The following WASF2 variants were observed in gnomAD, a reference collection of about 807,000 sequenced individuals.
WASF2 encodes the protein WASP family member 2.
A neutral mutation model predicts 45.0 loss-of-function variants in WASF2; 14 were observed. The observed-to-expected ratio is 0.31, with a 90% CI of 0.21 to 0.49. The LOEUF (loss-of-function observed/expected upper bound fraction) is 0.49, where lower values mean the gene tolerates loss of function less well. WASF2 is among the 20% of genes least tolerant of loss of function. The pLI is 0.99. For missense variants in WASF2, 439 were observed against 636.1 expected (o/e 0.69, Z 3.33); for synonymous variants, 200 against 236.3 (o/e 0.85, Z 1.41).
chr1:27,448,169 A>G (rs1236963714), intron 1 of WASF2, among the ~76,000 whole-genome samples: 1 of 152,248 alleles, frequency 6.6e-6, no homozygotes, highest in Non-Finnish European at 1.5e-5. Flanking sequence ...TCAACTACCC[A>G]TTCAAACAGG....
intron 1 of WASF2, among the ~76,000 whole-genome samples, chr1:27,482,200 T>C (rs535097619): frequency 2.0e-5 from 3 of 152,332 alleles, no homozygotes; most frequent in African/African-American, 7.2e-5. Context: ...TAATGTTATA[T>C]TGTACAGAGT....
chr1:27,454,324 G>A (rs1193245612), intron 1 of WASF2, among the ~76,000 whole-genome samples: 1 of 150,082 alleles, frequency 6.7e-6, no homozygotes, highest in Non-Finnish European at 1.5e-5. Flanking sequence ...CTGAGTAGCT[G>A]GGACCACAAG....
chr1:27,488,480 A>G (rs1460674033), intron 1 of WASF2, among the ~76,000 whole-genome samples: 1 of 152,196 alleles, frequency 6.6e-6, no homozygotes, highest in Non-Finnish European at 1.5e-5. Context: ...AGAAGAAGCG[A>G]ATGGGCTGGC....
rs368676692 is a variant in WASF2, at chr1:27,460,914, G to A, written c.-44+29072C>T. Among the ~76,000 whole-genome samples the A allele has an allele frequency of 3.5e-4, 53 of 152,242 alleles. 1 individual carries two copies. The highest frequency in any genetic ancestry group is 1.2e-3 in the African/African-American group (50 of 41,558). On this transcript the variant is annotated intron_variant, in intron 1 of 8. Transcript: ENST00000618852. ...AGCACTTTGGGAGGCCGAGGTGGGTGGATTACGAGGTCAGGAGATCGAGAC... is the reference window on the plus strand; with the variant it reads ...AGCACTTTGGGAGGCCGAGGTGGGTAGATTACGAGGTCAGGAGATCGAGAC...
At chr1:27,428,653 C>G in intron 2 of WASF2, 108 bp downstream of exon 2, 1 of 1,563,724 alleles carries the variant, frequency 6.4e-7, no homozygotes, top group South Asian at 1.1e-5. Flanking sequence ...TTCGCATTAC[C>G]TAGGGAAGGC....
At chr1:27,419,353 TA>T (rs1448120690) in intron 2 of WASF2, among the ~76,000 whole-genome samples, 6 of 152,194 alleles carry the variant, frequency 3.9e-5, no homozygotes, top group African/African-American at 1.4e-4. Flanking sequence ...ACAGGCTGAA[TA>T]AAACTGAAAG....
chr1:27,458,395 G>A (rs546062207), intron 1 of WASF2, among the ~76,000 whole-genome samples: 1 of 150,220 alleles, frequency 6.7e-6, no homozygotes, highest in Non-Finnish European at 1.5e-5. Flanking sequence ...AGGCAAATAG[G>A]TATTTATTTT....
At chr1:27,429,295 G>A (rs1015804790) in intron 1 of WASF2, among the ~76,000 whole-genome samples, 1 of 152,048 alleles carries the variant, frequency 6.6e-6, no homozygotes, top group Non-Finnish European at 1.5e-5. Flanking sequence ...GACACTGGAC[G>A]GTACAGATCC....
At position 27,418,394 on chromosome 1, in the gene WASF2, T is replaced by C. The variant is rs752235793; in HGVS notation, c.294A>G (p.Lys98=). 7.4e-6 allele frequency: 12 copies of C among 1,614,224 alleles called. No individual in the cohort carries two copies. The highest frequency in any genetic ancestry group is 1.6e-4 in the Middle Eastern group (1 of 6,062). ...EVSLQGINTR[K]AFRSSTIQDQ... ...CTTGAATGGTGGAACTTCTGAAGGC[T>C]TTTCGGGTGTTGATTCCTTGCAGTG... Residue 98 remains lysine (K), a synonymous_variant, in exon 4 of 9, where the codon AAA becomes AAG. Transcript: ENST00000618852.
intron 1 of WASF2, among the ~76,000 whole-genome samples, chr1:27,478,553 G>C (rs1354699476): frequency 1.3e-5 from 2 of 152,126 alleles, no homozygotes; most frequent in East Asian, 3.8e-4. Flanking sequence ...TGGAAGGAGG[G>C]AACTTTGGAG....
rs35393807 is a variant in WASF2, at chr1:27,471,344, C to CAAA, written c.-44+18639_-44+18641dup. Reference sequence around the variant, plus strand: ...TGGGCGACAGAGCGAGACTCTGTCTCAAAAAAAAAAAAAAAAAAAAAGAGT... The same window carrying CAAA: ...TGGGCGACAGAGCGAGACTCTGTCTCAAAAAAAAAAAAAAAAAAAAAAAAGAGT... On this transcript the variant is annotated intron_variant, in intron 1 of 8. Transcript: ENST00000618852. Among the ~76,000 whole-genome samples, 60 of 53,074 alleles carry CAAA rather than the reference C, an allele frequency of 1.1e-3. 1 individual carries two copies. Among genetic ancestry groups the CAAA allele is most frequent in the Middle Eastern group, 0.011 (1 of 90 alleles). The allele number at this position is 53,074 out of a possible 152,430, so 34.8% of individuals were successfully genotyped here.
rs1284395069 is a variant in WASF2 at position 27,477,917 on chromosome 1, AAT to A, written c.-44+12067_-44+12068del. Among the ~76,000 whole-genome samples the A allele has an allele frequency of 3.1e-4, 30 of 97,454 alleles. 4 individuals are homozygous for A. Among genetic ancestry groups the A allele is most frequent in the African/African-American group, 1.5e-3 (20 of 13,524 alleles). 63.9% of individuals were successfully genotyped at this position (97,454 alleles called of 152,430 possible). ...CCGTCTCAAAAAAAAAAAATAAATA[AAT>A]AAAAAAAAAAATAAAAATAAATAAA... On this transcript the variant is annotated intron_variant, in intron 1 of 8. Coordinates refer to ENST00000618852, the MANE Select transcript of WASF2 (RefSeq NM_006990.5).
intron 1 of WASF2, among the ~76,000 whole-genome samples, chr1:27,447,243 G>A (rs1418738771): frequency 6.6e-6 from 1 of 152,216 alleles, no homozygotes; most frequent in Admixed American, 6.5e-5. Context: ...TGGCAAGAGC[G>A]GCATGAATAG....
At chr1:27,437,939 C>T (rs1048769144) in intron 1 of WASF2, among the ~76,000 whole-genome samples, 13 of 152,182 alleles carry the variant, frequency 8.5e-5, no homozygotes, top group Non-Finnish European at 1.6e-4. Context: ...TCAAATCATT[C>T]ACTAGATTAC....
At chr1:27,419,165 C>T (rs990614421) in intron 2 of WASF2, 77 bp from the exon 3 acceptor site, 11 of 1,552,272 alleles carry the variant, frequency 7.1e-6, no homozygotes, top group African/African-American at 4.1e-5. Flanking sequence ...TACTAAAGAT[C>T]GTGTTCCCTA....
chr1:27,406,433 G>C lies in WASF2; in HGVS notation c.*1756C>G, dbSNP rs958486415. On this transcript the variant is annotated 3_prime_UTR_variant, in exon 9 of 9. Coordinates refer to ENST00000618852, the MANE Select transcript of WASF2 (RefSeq NM_006990.5). ...AGGAGAAGCGGCCAGCAAGGGCACAGAGGCAGAACCCATGACTATACACTC... is the reference window on the plus strand; with the variant it reads ...AGGAGAAGCGGCCAGCAAGGGCACACAGGCAGAACCCATGACTATACACTC... The C allele has an allele frequency of 2.0e-5, 3 of 153,164 alleles. No individual in the cohort carries two copies. The South Asian group carries it at 6.2e-4, about 32-fold the overall frequency. 9.5% of individuals were successfully genotyped at this position (153,164 alleles called of 1,614,324 possible).
At chr1:27,487,689 AATAT>A (rs1480423262) in intron 1 of WASF2, among the ~76,000 whole-genome samples, 9 of 111,762 alleles carry the variant, frequency 8.1e-5, no homozygotes, top group Middle Eastern at 4.0e-3. Context: ...TATAATATAT[AATAT>A]ATATTTTATA....
chr1:27,453,631 G>A (rs999823273), intron 1 of WASF2, among the ~76,000 whole-genome samples: 2 of 143,170 alleles, frequency 1.4e-5, no homozygotes, highest in African/African-American at 2.6e-5. Flanking sequence ...GGTGGCTCAC[G>A]CCTGTAATCC....
intron 2 of WASF2, 107 bp from the exon 3 acceptor site, chr1:27,419,195 T>A: frequency 2.5e-6 from 3 of 1,209,480 alleles, no homozygotes; most frequent in South Asian, 1.3e-5. Flanking sequence ...CACATACATA[T>A]ACACACACAT....
Sources: gnomAD v4.1 joint callset for allele counts (sites outside exome capture counted in the v4.1 genomes callset) on GRCh38, gnomAD v4.1.1 for gene constraint, MANE v1.5 for transcripts, NCBI Gene and HGNC (gene_info 2026-07-23, HGNC 2026-07-21) for gene names.